ZBTB8OS: variants seen among roughly 807,000 people sequenced by gnomAD.
ZBTB8OS encodes the protein tRNA-splicing ligase-activating factor archease.
In ZBTB8OS, 16 loss-of-function variants were observed where a neutral mutation model predicts 29.3. That is an observed-to-expected ratio of 0.55 (90% CI 0.37 to 0.83). The LOEUF (loss-of-function observed/expected upper bound fraction) is 0.83, where lower values mean the gene tolerates loss of function less well. ZBTB8OS is among the 40% of genes least tolerant of loss of function. The pLI is 0.00. For synonymous variants in ZBTB8OS, 70 were observed against 64.6 expected, an observed-to-expected ratio of 1.08 and a Z score of -0.40; for missense variants, 160 against 196.9, an observed-to-expected ratio of 0.81 and a Z score of 1.12.
At chr1:32,631,992 CTTTTTTTTT>C (rs71006345) in intron 4 of ZBTB8OS, 113 bp from the exon 5 acceptor site, 5 of 135,730 alleles carry the variant, frequency 3.7e-5, no homozygotes, top group Admixed American at 1.2e-4. Flanking sequence ...TTGGTAAAAC[CTTTTTTTTT>C]TTTTTTTTTT....
chr1:32,627,926 T>C (rs1570488176), intron 5 of ZBTB8OS: 1 of 176,362 alleles, frequency 5.7e-6, no homozygotes, highest in Non-Finnish European at 1.2e-5. Context: ...ATGCCTGTGG[T>C]CCCAGCCACT....
chr1:32,631,689 C>T (rs1645568216), intron 5 of ZBTB8OS, 138 bp downstream of exon 5: 5 of 576,682 alleles, frequency 8.7e-6, no homozygotes, highest in Non-Finnish European at 1.5e-5. Flanking sequence ...GTTTCTGGTC[C>T]TTCCAAGCCC....
upstream of ZBTB8OS, chr1:32,650,573 A>G (rs201114594): frequency 1.2e-6 from 2 of 1,613,594 alleles, no homozygotes; most frequent in Non-Finnish European, 1.7e-6. Context: ...CATCCACCGG[A>G]CTTCGGCCCG....
rs1092742 is a variant in ZBTB8OS at position 32,647,453 on chromosome 1, G to T, written c.97+2980C>A. 3.7e-3 allele frequency among the ~76,000 whole-genome samples: 515 copies of T among 137,444 alleles called. 5 individuals carry two copies. Among genetic ancestry groups the T allele is most frequent in the African/African-American group, 0.013 (485 of 37,496 alleles). 90.2% of individuals were successfully genotyped at this position (137,444 alleles called of 152,430 possible). A position where few individuals can be genotyped will look rare whatever the true frequency, so the allele number is the denominator to read the frequency against. On this transcript the variant is annotated intron_variant, in intron 1 of 6. Transcript: ENST00000468695. ...CTCTGTCTCAAAAAAAAAAAAAAAA[G>T]AAAAGAAAGAAAGGGTCAATGCAGG...
intron 1 of ZBTB8OS, among the ~76,000 whole-genome samples, chr1:32,645,418 C>G (rs1001487736): frequency 1.3e-5 from 2 of 151,836 alleles, no homozygotes; most frequent in African/African-American, 4.8e-5. Context: ...GGGAGAACAG[C>G]TTGAGCCTAG....
At chr1:32,641,926 CAAACAAAACA>C (rs542788448) in intron 1 of ZBTB8OS, among the ~76,000 whole-genome samples, 13 of 151,926 alleles carry the variant, frequency 8.6e-5, no homozygotes, top group Admixed American at 5.2e-4. Flanking sequence ...GAGACTGTCT[CAAACAAAACA>C]AAACAAAACA....
In ZBTB8OS at chr1:32,631,945, T is replaced by C. The variant is rs1464489591; in HGVS notation, c.328-66A>G. The C allele has an allele frequency of 1.4e-5, 13 of 901,570 alleles. No individual in the cohort carries two copies. In the East Asian group the frequency reaches 3.6e-4, roughly 25 times the overall value. The allele number at this position is 901,570 out of a possible 1,614,324, so 55.8% of individuals were successfully genotyped here. A position where few individuals can be genotyped will look rare whatever the true frequency, so the allele number is the denominator to read the frequency against. On this transcript the variant is annotated intron_variant, in intron 4 of 6. Transcript: ENST00000468695. ...AATAGACTATCTACTAAAAATCTTT[T>C]TGTTCTGTTTTGTTTTTTTGGACCA...
chr1:32,633,907 A>G (rs1326658157), intron 3 of ZBTB8OS, 44 bp downstream of exon 3: 1 of 1,535,784 alleles, frequency 6.5e-7, no homozygotes, highest in East Asian at 2.3e-5. Context: ...ACAATTCTAT[A>G]CAGTACTGTA....
chr1:32,639,299 C>T (rs1395570452), intron 1 of ZBTB8OS, among the ~76,000 whole-genome samples: 1 of 150,234 alleles, frequency 6.7e-6, no homozygotes, highest in African/African-American at 2.5e-5. Flanking sequence ...CTCTACTCCC[C>T]CAAAAAAAAT....
intron 6 of ZBTB8OS, among the ~76,000 whole-genome samples, 161 bp from the exon 7 acceptor site, chr1:32,622,109 G>A (rs531074252): frequency 6.6e-6 from 1 of 152,208 alleles, no homozygotes; most frequent in East Asian, 1.9e-4. Context: ...AGAATATACA[G>A]GGATCCAAGA....
intron 6 of ZBTB8OS, among the ~76,000 whole-genome samples, chr1:32,622,602 C>G (rs1644831551): frequency 6.6e-6 from 1 of 152,010 alleles, no homozygotes; most frequent in Admixed American, 6.6e-5. Flanking sequence ...TGAAAAACTG[C>G]CTATCAGGTA....
At chr1:32,633,196 A>C (rs970184347) in intron 4 of ZBTB8OS, 1 of 152,740 alleles carries the variant, frequency 6.5e-6, no homozygotes, top group Non-Finnish European at 1.5e-5. Context: ...AAATGGATGG[A>C]CATAAATATA....
chr1:32,625,228 AAAAG>A (rs749222970), intron 6 of ZBTB8OS, among the ~76,000 whole-genome samples: 150 of 147,710 alleles, frequency 1.0e-3, no homozygotes, highest in Non-Finnish European at 1.7e-3. Context: ...CTCAAAAAAA[AAAAG>A]AAAGAATAAT....
At chr1:32,626,301 G>GCTATACCATAT (rs1645129675) in intron 6 of ZBTB8OS, among the ~76,000 whole-genome samples, 1 of 152,124 alleles carries the variant, frequency 6.6e-6, no homozygotes, top group African/African-American at 2.4e-5. Flanking sequence ...CATAGCCTAG[G>GCTATACCATAT]AGCAATAGGC....
chr1:32,626,453 A>G (rs1335710563), intron 6 of ZBTB8OS, among the ~76,000 whole-genome samples: 1 of 152,210 alleles, frequency 6.6e-6, no homozygotes, highest in East Asian at 1.9e-4. Flanking sequence ...TGGCCTAAAC[A>G]CAGGGGTCAG....
intron 1 of ZBTB8OS, among the ~76,000 whole-genome samples, chr1:32,645,325 C>T (rs1407977558): frequency 2.6e-5 from 4 of 152,044 alleles, no homozygotes; most frequent in Non-Finnish European, 4.4e-5. Flanking sequence ...CGACAAGACC[C>T]CATCTCTATA....
chr1:32,650,137 C>T (rs1186484317), intron 1 of ZBTB8OS, among the ~76,000 whole-genome samples: 1 of 152,086 alleles, frequency 6.6e-6, no homozygotes, highest in African/African-American at 2.4e-5. Context: ...ACCCTGCAAA[C>T]GCCTGAAAAT....
chr1:32,631,970 A>T, intron 4 of ZBTB8OS, 91 bp from the exon 5 acceptor site: 1 of 515,398 alleles, frequency 1.9e-6, no homozygotes, highest in Non-Finnish European at 3.2e-6. Context: ...TTTTTGGACC[A>T]TCTACTAAAA....
intron 1 of ZBTB8OS, among the ~76,000 whole-genome samples, chr1:32,645,455 C>T (rs1053972976): frequency 2.0e-5 from 3 of 152,088 alleles, no homozygotes; most frequent in African/African-American, 4.8e-5. Context: ...TGAGCCATGA[C>T]AGCGCCACTA....
Sources: allele counts gnomAD v4.1 joint callset (sites outside exome capture counted in the v4.1 genomes callset), GRCh38; gene constraint gnomAD v4.1.1; transcripts MANE v1.5; gene names NCBI Gene and HGNC (gene_info 2026-07-23, HGNC 2026-07-21).